Variants in MUC3A observed in about 807,000 individuals in gnomAD.
MUC3A encodes mucin-3A.
A neutral mutation model predicts 109.0 loss-of-function variants in MUC3A; 109 were observed. That is an observed-to-expected ratio of 1.00 (90% CI 0.86 to 1.17). The LOEUF is 1.17. MUC3A is among the 50% of genes most tolerant of loss of function. MUC3A has a pLI of 0.00. For missense variants in MUC3A, 3,537 were observed against 2,469.4 expected, an observed-to-expected ratio of 1.43 and a Z score of -9.16; for synonymous variants, 1,398 against 981.4, an observed-to-expected ratio of 1.42 and a Z score of -7.93.
Position 100,953,865 on chromosome 7 carries a change from C to G in MUC3A, c.2086C>G (p.Leu696Val). The change falls in exon 2 of 12, where the codon CTC becomes GTC. Residue 696 changes from leucine (L) to valine (V), a missense_variant. Transcript: ENST00000379458. ...CCCTCCATCTATCTTGGTGACCACACTCCCCACTCCAAATGCTTCATCTAT... is the reference window on the plus strand; with the variant it reads ...CCCTCCATCTATCTTGGTGACCACAGTCCCCACTCCAAATGCTTCATCTAT... ...TIPPSILVTTLPTPNASSMTT... is the reference protein window; with the variant it reads ...TIPPSILVTTVPTPNASSMTT... 1 of 440,354 alleles carries G rather than the reference C, an allele frequency of 2.3e-6. No individual in the cohort carries two copies. Among genetic ancestry groups the G allele is most frequent in the Non-Finnish European group, 4.0e-6 (1 of 252,446 alleles). The allele number at this position is 440,354 out of a possible 1,614,324, so 27.3% of individuals were successfully genotyped here.
intron 5 of MUC3A, 153 bp downstream of exon 5, chr7:100,963,905 C>A: frequency 1.8e-6 from 2 of 1,097,442 alleles, no homozygotes; most frequent in East Asian, 2.6e-5. Flanking sequence ...TTTTTCGGAT[C>A]GTTTTCTGGG....
chr7:100,965,151 G>C (rs995839519), intron 6 of MUC3A, 131 bp from the exon 7 acceptor site: 37 of 2,554 alleles, frequency 0.014, no homozygotes, highest in Non-Finnish European at 0.018. Flanking sequence ...TCTCCGTCTG[G>C]GAGAGGGCTC....
rs1792157880 is a variant in MUC3A, at chr7:100,958,307, G to C, written c.6528G>C (p.Gly2176=). The change falls in exon 2 of 12, where the codon GGG becomes GGC. Residue 2176 remains glycine (G), a synonymous_variant. Transcript: ENST00000379458. ...TTTETTSHRW[G]TTETTSYSTP... is the part of the protein sequence containing the mutation. The stretch of plus-strand genomic sequence containing the variant: ...CGGAGACCACCTCACACAGGTGGGG[G>C]ACCACCGAGACCACATCCTACAGTA... 310 of 35,674 alleles carry C rather than the reference G, an allele frequency of 8.7e-3. 14 individuals carry two copies. The highest frequency in any genetic ancestry group is 0.015 in the African/African-American group (26 of 1,786). The allele number at this position is 35,674 out of a possible 1,614,324, so 2.2% of individuals were successfully genotyped here. A position where few individuals can be genotyped will look rare whatever the true frequency, so the allele number is the denominator to read the frequency against.
intron 3 of MUC3A, among the ~76,000 whole-genome samples, chr7:100,961,830 A>G (rs1406868189): frequency 6.6e-6 from 1 of 152,310 alleles, no homozygotes; most frequent in Non-Finnish European, 1.5e-5. Context: ...AAAGAAAAAA[A>G]AAAATCAGCT....
chr7:100,966,945 T>C lies in MUC3A; in HGVS notation c.9924T>C (p.Thr3308=), dbSNP rs1310529125. 2 of 1,598,544 alleles carry C rather than the reference T, an allele frequency of 1.3e-6. No individual in the cohort carries two copies. Among genetic ancestry groups the C allele is most frequent in the East Asian group, 4.5e-5 (2 of 44,890 alleles). Residue 3308 remains threonine, a synonymous_variant, in exon 11 of 12, where the codon ACT becomes ACC. Coordinates refer to ENST00000379458, the MANE Select transcript of MUC3A (RefSeq NM_005960.2). ...FYVALENVDT[T]MKVHIKRPEM... is the part of the protein sequence containing the mutation. ...TGGCCTTGGAGAACGTGGACACCAC[T>C]ATGAAGGTGAGGGGCTAAAGAGGGG...
chr7:100,960,185 A>G lies in MUC3A; in HGVS notation c.8406A>G (p.Pro2802=), dbSNP rs1230841379. 13 of 1,587,754 alleles carry G rather than the reference A, an allele frequency of 8.2e-6. No individual in the cohort carries two copies. The South Asian group carries it at 9.0e-5, about 11-fold the overall frequency. Residue 2802 remains proline (P), a synonymous_variant, in exon 2 of 12, where the codon CCA becomes CCG. Coordinates refer to ENST00000379458, the MANE Select transcript of MUC3A (RefSeq NM_005960.2). ...AAGCTACTTCTCCTCCCACCACCCC[A>G]TTAACAGTCTTTCCCTTTACTACCG... ...STEATSPPTT[P]LTVFPFTTEM...
At position 100,966,761 on chromosome 7, in the gene MUC3A, G is replaced by C; in HGVS notation, c.9877+18G>C. On this transcript the variant is annotated intron_variant, in intron 10 of 11. Coordinates refer to ENST00000379458, the MANE Select transcript of MUC3A (RefSeq NM_005960.2). ...CGGAACAGGTGAGTCCTGCCTCCTG[G>C]GGAAGCAGGCAGAGGCTTTCCTGGG... The C allele has an allele frequency of 6.3e-7, 1 of 1,598,538 alleles. No individual in the cohort carries two copies. Among genetic ancestry groups the C allele is most frequent in the East Asian group, 2.2e-5 (1 of 44,892 alleles).
intron 5 of MUC3A, 127 bp from the exon 6 acceptor site, chr7:100,964,568 G>A: frequency 7.1e-7 from 1 of 1,404,338 alleles, no homozygotes; most frequent in Non-Finnish European, 9.4e-7. Context: ...GGATGCACGT[G>A]GCATCCCAAC....
At position 100,959,012 on chromosome 7, in the gene MUC3A, T is replaced by G. The variant is rs753167605; in HGVS notation, c.7233T>G (p.Ser2411=). ...CACACATTACTCCTGGCCTCACTTC[T>G]TCAATCACCACCACTGAGACTACCT... ...TTSHITPGLT[S]SITTTETTSH... is the part of the protein sequence containing the mutation. Residue 2411 remains serine, a synonymous_variant, in exon 2 of 12, where the codon TCT becomes TCG. Transcript: ENST00000379458. 6.3e-7 allele frequency: 1 copy of G among 1,585,478 alleles called. No individual in the cohort carries two copies. The highest frequency in any genetic ancestry group is 8.5e-7 in the Non-Finnish European group (1 of 1,173,754).
intron 8 of MUC3A, 21 bp downstream of exon 8, chr7:100,965,887 G>C (rs73163798): frequency 0.017 from 27,181 of 1,561,622 alleles, 4 homozygotes; most frequent in Middle Eastern, 0.02. Context: ...GCTCACCATC[G>C]GCATCAGCCG....
intron 6 of MUC3A, 137 bp from the exon 7 acceptor site, chr7:100,965,145 C>T (rs899784210): frequency 1.0e-5 from 14 of 1,384,660 alleles, no homozygotes; most frequent in South Asian, 3.8e-5. Flanking sequence ...TGGCTCTCTC[C>T]GTCTGGGAGA....
In MUC3A at chr7:100,956,382, A is replaced by C. The variant is rs1288774255; in HGVS notation, c.4603A>C (p.Ile1535Leu). The C allele has an allele frequency of 5.1e-6, 3 of 590,916 alleles. No individual in the cohort carries two copies. Among genetic ancestry groups the C allele is most frequent in the Non-Finnish European group, 9.0e-6 (3 of 331,550 alleles). The allele number at this position is 590,916 out of a possible 1,614,324, so 36.6% of individuals were successfully genotyped here. ...HSTTSFTSST[I>L]YSTASTPTTA... ...TACCACCAGCTTCACTTCTTCAACC[A>C]TCTACTCCACAGCCAGCACACCCAC... is the stretch of plus-strand genomic sequence containing the variant. Residue 1535 changes from isoleucine to leucine, a missense_variant, in exon 2 of 12, where the codon ATC (isoleucine) becomes CTC (leucine). Coordinates refer to ENST00000379458, the MANE Select transcript of MUC3A (RefSeq NM_005960.2).
chr7:100,957,047 C>T lies in MUC3A; in HGVS notation c.5268C>T (p.Ala1756=), dbSNP rs1258175114. The change falls in exon 2 of 12, where the codon GCC becomes GCT. Residue 1756 remains alanine, a synonymous_variant. Transcript: ENST00000379458. Reference sequence around the variant, plus strand: ...TTTCCACAGGATCTTTCAAAACAGCCGTGAGTTCTACTCCCCCCATCACTT... The same window carrying T: ...TTTCCACAGGATCTTTCAAAACAGCTGTGAGTTCTACTCCCCCCATCACTT... ...SDISTGSFKT[A]VSSTPPITSS... The T allele has an allele frequency of 1.1e-5, 5 of 448,474 alleles. No individual in the cohort carries two copies. The highest frequency in any genetic ancestry group is 1.6e-5 in the Non-Finnish European group (4 of 255,332). The allele number at this position is 448,474 out of a possible 1,614,324, so 27.8% of individuals were successfully genotyped here.
At chr7:100,964,580 C>G in intron 5 of MUC3A, 115 bp from the exon 6 acceptor site, 5 of 1,451,806 alleles carry the variant, frequency 3.4e-6, no homozygotes, top group Non-Finnish European at 4.5e-6. Context: ...CATCCCAACT[C>G]ATGACCTCTG....
Position 100,952,290 on chromosome 7 carries a change from A to T in MUC3A, c.511A>T (p.Thr171Ser). 6.3e-7 allele frequency: 1 copy of T among 1,598,538 alleles called. No homozygotes were observed. Among genetic ancestry groups the T allele is most frequent in the Non-Finnish European group, 8.5e-7 (1 of 1,179,782 alleles). Residue 171 changes from threonine to serine, a missense_variant, in exon 2 of 12, where the codon ACC becomes TCC. Thr to Ser is a moderately conservative substitution (Grantham distance 58). Transcript: ENST00000379458. The stretch of plus-strand genomic sequence containing the variant: ...GACACAGAAGCCAGTGACCACCGTC[A>T]CCAGTACTTACTCTATGACCACTAC... The part of the protein sequence containing the change: ...PVTQKPVTTV[T>S]STYSMTTTEK...
chr7:100,960,814 G>T lies in MUC3A; in HGVS notation c.8929G>T (p.Gly2977Trp). The T allele has an allele frequency of 6.3e-7, 1 of 1,598,530 alleles. No homozygotes were observed. The highest frequency in any genetic ancestry group is 1.7e-4 in the Middle Eastern group (1 of 6,060). The change falls in exon 3 of 12, where the codon GGG becomes TGG. Residue 2977 changes from glycine to tryptophan, a missense_variant. Transcript: ENST00000379458. ...GTGTGCTTGCCTTCCGGGGTTTTCT[G>T]GGGACCGCTGTCAGCTCCAGACCAG... ...GQCACLPGFS[G>W]DRCQLQTRCQ...
chr7:100,950,331 A>C (rs1316598711), intron 1 of MUC3A, among the ~76,000 whole-genome samples: 1 of 151,748 alleles, frequency 6.6e-6, no homozygotes, highest in Admixed American at 6.6e-5. Context: ...GTGGGGTCCC[A>C]GGCTTCTCTC....
intron 3 of MUC3A, among the ~76,000 whole-genome samples, chr7:100,962,196 C>T (rs1792349681): frequency 8.7e-6 from 1 of 114,986 alleles, no homozygotes; most frequent in African/African-American, 3.0e-5. Context: ...CCCGCCACTG[C>T]ACTCCAGCCT....
chr7:100,965,634 A>G, intron 7 of MUC3A, 70 bp from the exon 8 acceptor site: 1 of 1,543,258 alleles, frequency 6.5e-7, no homozygotes, highest in South Asian at 1.2e-5. Context: ...ATTCAGAGGC[A>G]CCGTTATCAG....
Sources: allele counts gnomAD v4.1 joint callset (sites outside exome capture counted in the v4.1 genomes callset), GRCh38; gene constraint gnomAD v4.1.1; transcripts MANE v1.5; gene names NCBI Gene and HGNC (gene_info 2026-07-23, HGNC 2026-07-21).